Variants in KCNIP4 observed in about 807,000 individuals in gnomAD.
KCNIP4 encodes the protein potassium voltage-gated channel interacting protein 4.
KCNIP4 carries 12 observed loss-of-function variants against 34.0 expected under a neutral mutation model. That is an observed-to-expected ratio of 0.35 (90% CI 0.23 to 0.57). The LOEUF (loss-of-function observed/expected upper bound fraction) is 0.57, where lower values mean the gene tolerates loss of function less well. Ranked by LOEUF, KCNIP4 falls within the 20% of genes least tolerant of loss-of-function variation. KCNIP4 has a pLI of 0.83. For synonymous variants in KCNIP4, 124 were observed against 102.2 expected (o/e 1.21, Z -1.29); for missense variants, 238 against 311.7 (o/e 0.76, Z 1.78).
intron 1 of KCNIP4, among the ~76,000 whole-genome samples, chr4:21,054,491 C>A (rs1456702891): frequency 2.7e-4 from 40 of 149,952 alleles, no homozygotes; most frequent in African/African-American, 9.4e-4. Context: ...TGCACTCCAA[C>A]CTGGGAGACA....
chr4:21,188,378 A>C (rs1203435131), intron 1 of KCNIP4, among the ~76,000 whole-genome samples: 1 of 152,176 alleles, frequency 6.6e-6, no homozygotes, highest in Non-Finnish European at 1.5e-5. Context: ...CACAAGTCCC[A>C]AAGAAGCAAT....
At chr4:21,559,134 G>A (rs1354237258) in intron 1 of KCNIP4, among the ~76,000 whole-genome samples, 1 of 152,020 alleles carries the variant, frequency 6.6e-6, no homozygotes, top group African/African-American at 2.4e-5. Context: ...GATATTAACA[G>A]CCACCTGAAT....
At chr4:21,270,715 G>A (rs114076344) in intron 1 of KCNIP4, among the ~76,000 whole-genome samples, 1 of 151,912 alleles carries the variant, frequency 6.6e-6, no homozygotes, top group Admixed American at 6.6e-5. Context: ...ACCCAGGTGC[G>A]GTGGCTCACA....
intron 1 of KCNIP4, among the ~76,000 whole-genome samples, chr4:21,291,101 A>G (rs996696666): frequency 2.0e-5 from 3 of 152,224 alleles, no homozygotes; most frequent in Non-Finnish European, 4.4e-5. Context: ...TTCAACCCAC[A>G]GACAAGCTTT....
intron 1 of KCNIP4, among the ~76,000 whole-genome samples, chr4:20,959,017 T>C (rs1434943): frequency 0.78 from 118,971 of 152,156 alleles, 46,780 homozygotes; most frequent in East Asian, 0.82. Flanking sequence ...AGTGGGTGTA[T>C]ACAAATCTCT....
rs1001716817 is a variant in KCNIP4, at chr4:21,412,963, G to A, written c.62-530254C>T. On this transcript the variant is annotated intron_variant, in intron 1 of 8. Transcript: ENST00000382152. Reference sequence around the variant, plus strand: ...GGAGTGAACATGACACATTGCCTCAGGGGGAGCTTCACTGCTATAAGCCAG... The same window carrying A: ...GGAGTGAACATGACACATTGCCTCAAGGGGAGCTTCACTGCTATAAGCCAG... 2.0e-5 allele frequency among the ~76,000 whole-genome samples: 3 copies of A among 152,254 alleles called. 1 individual carries two copies. The South Asian group carries it at 6.2e-4, about 32-fold the overall frequency.
intron 1 of KCNIP4, among the ~76,000 whole-genome samples, chr4:21,524,537 T>C (rs1735811344): frequency 6.6e-6 from 1 of 152,166 alleles, no homozygotes; most frequent in Admixed American, 6.6e-5. Context: ...CAGTTCTTTT[T>C]CATTTTTGGC....
intron 1 of KCNIP4, among the ~76,000 whole-genome samples, chr4:21,104,819 C>A (rs1016205349): frequency 2.6e-5 from 4 of 151,690 alleles, no homozygotes; most frequent in Non-Finnish European, 5.9e-5. Context: ...ATATGGCTAG[C>A]CAGTTTTCCC....
At chr4:21,610,231 GC>G (rs1192988817) in intron 1 of KCNIP4, among the ~76,000 whole-genome samples, 2 of 152,228 alleles carry the variant, frequency 1.3e-5, no homozygotes, top group Non-Finnish European at 2.9e-5. Context: ...AGTTCTGGAG[GC>G]TAGACATCCA....
At chr4:21,643,576 T>G (rs1238628949) in intron 1 of KCNIP4, among the ~76,000 whole-genome samples, 1 of 152,148 alleles carries the variant, frequency 6.6e-6, no homozygotes, top group African/African-American at 2.4e-5. Flanking sequence ...CATGAAGCTA[T>G]TTTTTAGATG....
chr4:20,813,093 T>A (rs1715971481), intron 3 of KCNIP4, among the ~76,000 whole-genome samples: 1 of 152,214 alleles, frequency 6.6e-6, no homozygotes, highest in Non-Finnish European at 1.5e-5. Flanking sequence ...GAGGTAGTCA[T>A]GTGCCCAGAA....
At chr4:20,870,879 C>A (rs887807314) in intron 2 of KCNIP4, among the ~76,000 whole-genome samples, 1 of 152,086 alleles carries the variant, frequency 6.6e-6, no homozygotes, top group Non-Finnish European at 1.5e-5. Flanking sequence ...TCCTCCTCAA[C>A]CTTCTCTGTC....
At chr4:20,783,164 AT>A (rs1275284708) in intron 3 of KCNIP4, among the ~76,000 whole-genome samples, 5 of 152,102 alleles carry the variant, frequency 3.3e-5, no homozygotes, top group African/African-American at 1.2e-4. Context: ...CACTATTAGC[AT>A]TTTGGGCAAA....
At chr4:20,997,272 T>C (rs1737643369) in intron 1 of KCNIP4, among the ~76,000 whole-genome samples, 1 of 152,130 alleles carries the variant, frequency 6.6e-6, no homozygotes. Flanking sequence ...TAGGCTGTTG[T>C]AATGGTCTAT....
intron 1 of KCNIP4, among the ~76,000 whole-genome samples, chr4:21,380,172 C>G (rs1037759675): frequency 6.6e-6 from 1 of 152,018 alleles, no homozygotes; most frequent in Non-Finnish European, 1.5e-5. Flanking sequence ...AAACGCTACA[C>G]TAAAACCTAA....
intron 1 of KCNIP4, among the ~76,000 whole-genome samples, chr4:21,897,687 C>G (rs1727476164): frequency 6.6e-6 from 1 of 152,110 alleles, no homozygotes; most frequent in Admixed American, 6.6e-5. Flanking sequence ...ATGAAACACT[C>G]TTAGAGAGCA....
intron 1 of KCNIP4, among the ~76,000 whole-genome samples, chr4:21,375,804 TGATTGGCCC>T (rs1397006541): frequency 6.6e-6 from 1 of 152,026 alleles, no homozygotes; most frequent in African/African-American, 2.4e-5. Context: ...CCTGACCTCG[TGATTGGCCC>T]GCCTCAGCCT....
intron 2 of KCNIP4, among the ~76,000 whole-genome samples, chr4:20,859,556 T>G (rs9291414): frequency 0.7 from 106,323 of 152,020 alleles, 37,398 homozygotes; most frequent in South Asian, 0.82. Flanking sequence ...CAGGGCTGAG[T>G]TTGTCCTAAG....
chr4:21,247,735 G>GATATATGTAT (rs1553845667), intron 1 of KCNIP4, among the ~76,000 whole-genome samples: 15 of 61,364 alleles, frequency 2.4e-4, no homozygotes, highest in African/African-American at 1.6e-3. Context: ...TCCACAGGTG[G>GATATATGTAT]ATATATATAT....
Sources: gnomAD v4.1 joint callset for allele counts (sites outside exome capture counted in the v4.1 genomes callset) on GRCh38, gnomAD v4.1.1 for gene constraint, MANE v1.5 for transcripts, NCBI Gene and HGNC (gene_info 2026-07-23, HGNC 2026-07-21) for gene names.